The following SPATS2L variants were observed in gnomAD, a reference collection of about 807,000 sequenced individuals.
SPATS2L encodes spermatogenesis associated serine rich 2 like, also known as SPATS2-like protein.
Under a neutral mutation model 59.6 loss-of-function variants are expected in SPATS2L, and 30 were observed. The ratio of observed to expected loss-of-function variants is 0.50; its 90% CI spans 0.38 to 0.68. The LOEUF (loss-of-function observed/expected upper bound fraction) is 0.68. Ranked by LOEUF, SPATS2L falls within the 30% of genes least tolerant of loss-of-function variation. The probability of loss-of-function intolerance (pLI) is 0.00; values close to 1 mark genes in which losing one functional copy is unlikely to be tolerated. For synonymous variants in SPATS2L, 252 were observed against 263.5 expected, an observed-to-expected ratio of 0.96 and a Z score of 0.42; for missense variants, 615 against 700.0, an observed-to-expected ratio of 0.88 and a Z score of 1.37.
intron 1 of SPATS2L, among the ~76,000 whole-genome samples, chr2:200,324,054 A>G (rs1218718099): frequency 1.3e-5 from 2 of 152,166 alleles, no homozygotes; most frequent in African/African-American, 2.4e-5. Context: ...GTCTGACTGC[A>G]AGAGAGTAAA....
intron 10 of SPATS2L, among the ~76,000 whole-genome samples, chr2:200,468,818 C>A (rs1574714876): frequency 6.6e-6 from 1 of 152,222 alleles, no homozygotes; most frequent in Non-Finnish European, 1.5e-5. Flanking sequence ...CAACTTCCAT[C>A]TCTCTCTACA....
chr2:200,321,144 G>T (rs1013707568), intron 1 of SPATS2L, among the ~76,000 whole-genome samples: 1 of 152,112 alleles, frequency 6.6e-6, no homozygotes, highest in Non-Finnish European at 1.5e-5. Context: ...ATGTGCATTT[G>T]TGTGAGGTTG....
At chr2:200,416,991 T>G (rs1354700089) in intron 5 of SPATS2L, among the ~76,000 whole-genome samples, 2 of 152,158 alleles carry the variant, frequency 1.3e-5, no homozygotes, top group African/African-American at 4.8e-5. Flanking sequence ...GGAAGGGGAT[T>G]TTACTGTGTC....
At chr2:200,380,597 T>C (rs2081772591) in intron 2 of SPATS2L, among the ~76,000 whole-genome samples, 1 of 152,230 alleles carries the variant, frequency 6.6e-6, no homozygotes, top group Non-Finnish European at 1.5e-5. Context: ...AAATAAAACA[T>C]TCAATTTTCT....
chr2:200,311,832 T>G (rs1260628953), intron 1 of SPATS2L, among the ~76,000 whole-genome samples: 1 of 152,024 alleles, frequency 6.6e-6, no homozygotes, highest in Non-Finnish European at 1.5e-5. Context: ...AAAAAATCTG[T>G]TGGGGAGTGG....
At chr2:200,365,615 A>G (rs28675018) in intron 2 of SPATS2L, among the ~76,000 whole-genome samples, 6 of 152,026 alleles carry the variant, frequency 3.9e-5, no homozygotes, top group Non-Finnish European at 5.9e-5. Flanking sequence ...TAGGGTATTT[A>G]TTTTTTTCTA....
chr2:200,439,335 T>G lies in SPATS2L; in HGVS notation c.652+7T>G. 6.2e-7 allele frequency: 1 copy of G among 1,606,622 alleles called. No individual in the cohort carries two copies. Among genetic ancestry groups the G allele is most frequent in the Non-Finnish European group, 8.5e-7 (1 of 1,173,602 alleles). On this transcript the variant is annotated splice_region_variant and intron_variant, in intron 7 of 12. Transcript: ENST00000409140. ...GAGTTGGCAAAGAAAAGAGGTAAAG[T>G]GATTTCTTTTGCACAAATGATTCAA...
At chr2:200,396,039 T>TATATATATAA (rs2082338384) in intron 3 of SPATS2L, among the ~76,000 whole-genome samples, 3 of 30,692 alleles carry the variant, frequency 9.8e-5, no homozygotes, top group Non-Finnish European at 1.8e-4. Context: ...AAAAAATATA[T>TATATATATAA]ATATATATAT....
chr2:200,395,562 A>G (rs550485095), intron 3 of SPATS2L, among the ~76,000 whole-genome samples: 1 of 152,308 alleles, frequency 6.6e-6, no homozygotes, highest in East Asian at 1.9e-4. Flanking sequence ...CCTAATCTGT[A>G]AATTGGACAT....
At chr2:200,348,741 A>G (rs2080606820) in intron 2 of SPATS2L, among the ~76,000 whole-genome samples, 1 of 152,156 alleles carries the variant, frequency 6.6e-6, no homozygotes, top group South Asian at 2.1e-4. Context: ...CTAATGAGAA[A>G]AGGCCTGGAA....
intron 2 of SPATS2L, among the ~76,000 whole-genome samples, chr2:200,373,900 A>G (rs1204112973): frequency 6.6e-6 from 1 of 152,208 alleles, no homozygotes; most frequent in Non-Finnish European, 1.5e-5. Flanking sequence ...ATTCAGAACC[A>G]TGTAACCAAA....
At chr2:200,324,737 T>C (rs1022157857) in intron 1 of SPATS2L, among the ~76,000 whole-genome samples, 1 of 152,190 alleles carries the variant, frequency 6.6e-6, no homozygotes, top group African/African-American at 2.4e-5. Context: ...TATACTAATA[T>C]CCATTTGTGT....
At chr2:200,446,472 G>A (rs2085053450) in intron 8 of SPATS2L, among the ~76,000 whole-genome samples, 1 of 152,154 alleles carries the variant, frequency 6.6e-6, no homozygotes, top group Admixed American at 6.5e-5. Flanking sequence ...GGAGACCATT[G>A]ATTTGGAAAT....
intron 1 of SPATS2L, among the ~76,000 whole-genome samples, chr2:200,308,624 TACACACACAC>T (rs35193445): frequency 6.7e-6 from 1 of 149,406 alleles, no homozygotes; most frequent in Non-Finnish European, 1.5e-5. Context: ...TGGCTTTAAA[TACACACACAC>T]ACACACACAG....
intron 6 of SPATS2L, among the ~76,000 whole-genome samples, chr2:200,420,440 G>A (rs1024583257): frequency 6.6e-6 from 1 of 151,574 alleles, no homozygotes; most frequent in Non-Finnish European, 1.5e-5. Flanking sequence ...GCAATTAAAT[G>A]AAGTAAGGCA....
chr2:200,416,361 TTCTTTG>T lies in SPATS2L; in HGVS notation c.149-12_149-7del. The T allele has an allele frequency of 7.2e-7, 1 of 1,391,682 alleles. No homozygotes were observed. The highest frequency in any genetic ancestry group is 9.6e-7 in the Non-Finnish European group (1 of 1,037,656). The allele number at this position is 1,391,682 out of a possible 1,614,324, so 86.2% of individuals were successfully genotyped here. A position where few individuals can be genotyped will look rare whatever the true frequency, so the allele number is the denominator to read the frequency against. On this transcript the variant is annotated splice_polypyrimidine_tract_variant and intron_variant, in intron 4 of 12. Coordinates refer to ENST00000409140, the MANE Select transcript of SPATS2L (RefSeq NM_001100423.2). ...TTATGATGTGAATATTTGTTGAAGA[TTCTTTG>T]TCTTTATCTAGGCAGTGCAATTCAA... is the stretch of plus-strand genomic sequence containing the variant.
chr2:200,385,904 A>G (rs954686318), intron 2 of SPATS2L, among the ~76,000 whole-genome samples: 39 of 152,308 alleles, frequency 2.6e-4, no homozygotes, highest in Admixed American at 5.9e-4. Context: ...TGTGTTAGCC[A>G]GGATGGTCTC....
intron 8 of SPATS2L, among the ~76,000 whole-genome samples, chr2:200,446,102 G>T (rs2106129382): frequency 6.6e-6 from 1 of 152,266 alleles, no homozygotes; most frequent in East Asian, 1.9e-4. Flanking sequence ...ACCTTGGAAG[G>T]CCGAGGCAGG....
At chr2:200,436,234 T>G (rs531940096) in intron 6 of SPATS2L, among the ~76,000 whole-genome samples, 2 of 152,324 alleles carry the variant, frequency 1.3e-5, no homozygotes, top group East Asian at 1.9e-4. Flanking sequence ...CTTTCTGTTA[T>G]AGCTCTATAA....
Sources: allele counts gnomAD v4.1 joint callset (sites outside exome capture counted in the v4.1 genomes callset), GRCh38; gene constraint gnomAD v4.1.1; transcripts MANE v1.5; gene names NCBI Gene and HGNC (gene_info 2026-07-23, HGNC 2026-07-21).